Variants in GNAL observed in about 807,000 individuals in gnomAD.
GNAL encodes G protein subunit alpha L, also known as guanine nucleotide-binding protein G(olf) subunit alpha.
GNAL carries 18 observed loss-of-function variants against 55.1 expected under a neutral mutation model. The observed-to-expected ratio is 0.33, with a 90% CI of 0.23 to 0.48. GNAL has a LOEUF of 0.48. Among genes scored for constraint, GNAL ranks in the 20% least tolerant of loss-of-function variants. The pLI is 0.99. For synonymous variants in GNAL, 253 were observed against 237.0 expected (o/e 1.07, Z -0.62); for missense variants, 412 against 614.1 (o/e 0.67, Z 3.48).
intron 5 of GNAL, among the ~76,000 whole-genome samples, chr18:11,845,438 T>A (rs201038222): frequency 6.0e-4 from 90 of 148,846 alleles, no homozygotes; most frequent in African/African-American, 1.2e-3. Context: ...TTCTTGAAAA[T>A]AAAAAAAAAA....
chr18:11,864,474 C>A, intron 6 of GNAL, 59 bp from the exon 7 acceptor site: 7 of 874,228 alleles, frequency 8.0e-6, no homozygotes, highest in Non-Finnish European at 1.4e-5. Flanking sequence ...TATACCCGGG[C>A]TTTACCTTGA....
chr18:11,721,045 A>G (rs1449947263), intron 1 of GNAL, among the ~76,000 whole-genome samples: 1 of 152,200 alleles, frequency 6.6e-6, no homozygotes, highest in Non-Finnish European at 1.5e-5. Context: ...GAGATTGTCA[A>G]AGGTTCTTCT....
chr18:11,869,224 A>G (rs1438676082), intron 9 of GNAL, among the ~76,000 whole-genome samples: 2 of 151,860 alleles, frequency 1.3e-5, no homozygotes, highest in Non-Finnish European at 2.9e-5. Context: ...GCCCACTGCA[A>G]GCTCCACCTC....
chr18:11,851,120 G>A (rs377288673), intron 5 of GNAL, among the ~76,000 whole-genome samples: 2 of 152,254 alleles, frequency 1.3e-5, no homozygotes, highest in South Asian at 4.1e-4. Flanking sequence ...GGTCTCCACA[G>A]ATCCTGTCTA....
intron 5 of GNAL, among the ~76,000 whole-genome samples, chr18:11,830,177 C>T (rs776925867): frequency 3.3e-5 from 5 of 151,604 alleles, no homozygotes; most frequent in Non-Finnish European, 5.9e-5. Context: ...ACTATTCCTG[C>T]GTGTTTTCCA....
intron 1 of GNAL, among the ~76,000 whole-genome samples, chr18:11,742,997 G>A (rs1053469204): frequency 1.3e-5 from 2 of 152,228 alleles, no homozygotes; most frequent in African/African-American, 4.8e-5. Flanking sequence ...CAATATCCAT[G>A]TGTTCAACTA....
At chr18:11,712,033 GCCAGGGTGCCCCACTCTTCTCCCTC>G (rs2031850686) in intron 1 of GNAL, among the ~76,000 whole-genome samples, 1 of 152,200 alleles carries the variant, frequency 6.6e-6, no homozygotes, top group Admixed American at 6.5e-5. Context: ...TATACCATAG[GCCAGGGTGCCCCACTCTTCTCCCTC>G]CCTCCGTGGG....
intron 5 of GNAL, among the ~76,000 whole-genome samples, chr18:11,836,783 A>T (rs563409407): frequency 6.6e-6 from 1 of 152,352 alleles, no homozygotes; most frequent in African/African-American, 2.4e-5. Flanking sequence ...TGAGCATCAG[A>T]TGCATGCTAG....
intron 4 of GNAL, among the ~76,000 whole-genome samples, chr18:11,770,068 G>GT (rs369610927): frequency 6.6e-6 from 1 of 152,202 alleles, no homozygotes; most frequent in East Asian, 1.9e-4. Flanking sequence ...GTCTGTAGTG[G>GT]TGTACTATAA....
At position 11,753,919 on chromosome 18, in the gene GNAL, C is replaced by A; in HGVS notation, c.598C>A (p.Pro200Thr). The change falls in exon 4 of 12, where the codon CCT becomes ACT. Residue 200 changes from proline (P) to threonine (T), a missense_variant. Physicochemically the swap from Pro to Thr is conservative, Grantham distance 38. Around this residue, in one of 5 missense-constraint regions of GNAL, gnomAD observed 47 missense variants for 82.7 expected, o/e 0.57. Coordinates refer to ENST00000334049, the MANE Select transcript of GNAL (RefSeq NM_182978.4). ...ATCAGACTACATCAAGAGCATAGCC[C>A]CTATCACTGACTTTGAATATTCCCA... ...FRSDYIKSIA[P>T]ITDFEYSQEF... 6.2e-7 allele frequency: 1 copy of A among 1,609,910 alleles called. No homozygotes were observed. Among genetic ancestry groups the A allele is most frequent in the Non-Finnish European group, 8.5e-7 (1 of 1,176,342 alleles).
chr18:11,819,207 G>A (rs141515958), intron 4 of GNAL, among the ~76,000 whole-genome samples: 3 of 151,446 alleles, frequency 2.0e-5, no homozygotes, highest in African/African-American at 7.4e-5. Context: ...ATTGTCATCT[G>A]TTTGTTTGCA....
intron 4 of GNAL, among the ~76,000 whole-genome samples, chr18:11,776,239 C>A (rs73399900): frequency 0.076 from 11,559 of 152,110 alleles, 1,473 homozygotes; most frequent in African/African-American, 0.26. Context: ...TTGGCTCTGA[C>A]GATACAAAAT....
intron 4 of GNAL, among the ~76,000 whole-genome samples, chr18:11,794,371 T>TCC (rs2034320619): frequency 1.3e-5 from 2 of 152,210 alleles, no homozygotes; most frequent in Non-Finnish European, 2.9e-5. Flanking sequence ...ATGTCTTCTA[T>TCC]CCGTGCAAGG....
chr18:11,753,137 A>G (rs975159957), intron 2 of GNAL, among the ~76,000 whole-genome samples: 3 of 152,216 alleles, frequency 2.0e-5, no homozygotes, highest in Non-Finnish European at 4.4e-5. Context: ...GCTTAACAAA[A>G]TATGATTTAT....
At chr18:11,848,315 C>T (rs895934623) in intron 5 of GNAL, among the ~76,000 whole-genome samples, 3 of 152,090 alleles carry the variant, frequency 2.0e-5, no homozygotes, top group African/African-American at 7.2e-5. Context: ...TCTAGTCAGC[C>T]CTGGTCTCTC....
At chr18:11,853,014 A>C (rs1256251923) in intron 5 of GNAL, 1 of 167,108 alleles carries the variant, frequency 6.0e-6, no homozygotes, top group Non-Finnish European at 1.5e-5. Flanking sequence ...CACACTCTTA[A>C]CATTGCCAAA....
intron 4 of GNAL, among the ~76,000 whole-genome samples, chr18:11,767,173 T>C (rs994793616): frequency 6.6e-6 from 1 of 151,990 alleles, no homozygotes; most frequent in Non-Finnish European, 1.5e-5. Flanking sequence ...GCTTGCACAC[T>C]TGCTCTCTGT....
rs1028785833 is a variant in GNAL at position 11,885,399 on chromosome 18, A to G, written c.*4264A>G. The G allele has an allele frequency of 2.3e-6, 1 of 436,750 alleles. No individual in the cohort carries two copies. Among genetic ancestry groups the G allele is most frequent in the African/African-American group, 2.0e-5 (1 of 50,128 alleles). The allele number at this position is 436,750 out of a possible 1,614,324, so 27.1% of individuals were successfully genotyped here. ...TCTTTAGAAAATTAAACACACACAGAGTGTAAGAGGAGAGGATACGGCCCT... is the reference window on the plus strand; with the variant it reads ...TCTTTAGAAAATTAAACACACACAGGGTGTAAGAGGAGAGGATACGGCCCT... On this transcript the variant is annotated 3_prime_UTR_variant, in exon 12 of 12. Coordinates refer to ENST00000334049, the MANE Select transcript of GNAL (RefSeq NM_182978.4).
intron 4 of GNAL, among the ~76,000 whole-genome samples, chr18:11,775,355 A>ATAG (rs2033751505): frequency 6.6e-6 from 1 of 152,240 alleles, no homozygotes; most frequent in African/African-American, 2.4e-5. Flanking sequence ...TAACCATTGA[A>ATAG]TAGTTAGCTT....
Sources: gnomAD v4.1 joint callset for allele counts (sites outside exome capture counted in the v4.1 genomes callset) on GRCh38, gnomAD v4.1.1 for gene constraint, gnomAD v4.1.1 regional missense constraint, MANE v1.5 for transcripts, NCBI Gene and HGNC (gene_info 2026-07-23, HGNC 2026-07-21) for gene names.